Variants in MATK observed in about 807,000 individuals in gnomAD.
The protein encoded by MATK is megakaryocyte-associated tyrosine-protein kinase.
In MATK, 41 loss-of-function variants were observed where a neutral mutation model predicts 59.8. That is an observed-to-expected ratio of 0.69 (90% CI 0.53 to 0.89). MATK has a LOEUF of 0.89. Among genes scored for constraint, MATK ranks in the 40% least tolerant of loss-of-function variants. The probability of loss-of-function intolerance (pLI) is 0.00; values close to 1 mark genes in which losing one functional copy is unlikely to be tolerated. For synonymous variants in MATK, 308 were observed against 306.1 expected (o/e 1.01, Z -0.06); for missense variants, 593 against 719.6 (o/e 0.82, Z 2.01).
chr19:3,785,006 C>T (rs1479217669), intron 2 of MATK, 58 bp downstream of exon 2: 1 of 1,562,894 alleles, frequency 6.4e-7, no homozygotes, highest in Non-Finnish European at 8.8e-7. Context: ...TCCCCAGAGG[C>T]ATCCTGGATG....
rs996372509 is a variant in MATK at position 3,778,092 on chromosome 19, C to T, written c.*91G>A. ...GTGGGCACCAGGAGGATGACTTGCCCGCCTGGACCCTCCTTGGGCCTGGTC... is the reference window on the plus strand; with the variant it reads ...GTGGGCACCAGGAGGATGACTTGCCTGCCTGGACCCTCCTTGGGCCTGGTC... On this transcript the variant is annotated 3_prime_UTR_variant, in exon 14 of 14. Coordinates refer to ENST00000310132, the MANE Select transcript of MATK (RefSeq NM_139355.3). 29 of 1,479,852 alleles carry T rather than the reference C, an allele frequency of 2.0e-5. 1 individual carries two copies. In the Admixed American group the frequency reaches 2.0e-4, roughly 10 times the overall value. 91.7% of individuals were successfully genotyped at this position (1,479,852 alleles called of 1,614,324 possible). A position where few individuals can be genotyped will look rare whatever the true frequency, so the allele number is the denominator to read the frequency against.
In MATK at chr19:3,786,107, C is replaced by A. The variant is rs919981673; in HGVS notation, c.-152+62G>T. The A allele has an allele frequency of 2.6e-6, 2 of 756,542 alleles. No homozygotes were observed. Among genetic ancestry groups the A allele is most frequent in the Admixed American group, 1.3e-4 (2 of 15,972 alleles). 46.9% of individuals were successfully genotyped at this position (756,542 alleles called of 1,614,324 possible). On this transcript the variant is annotated intron_variant, in intron 1 of 13. Coordinates refer to ENST00000310132, the MANE Select transcript of MATK (RefSeq NM_139355.3). The surrounding 1 kb of genome is among the most constrained non-coding windows in gnomAD (Gnocchi z 4.1). The stretch of plus-strand genomic sequence containing the variant: ...CCCGGGCCCACCCCCGCCTAGAGCC[C>A]TCGGGGTTTCCCCCCACCCCGGCCT...
intron 6 of MATK, 94 bp downstream of exon 6, chr19:3,783,720 G>C: frequency 8.4e-7 from 1 of 1,191,442 alleles, no homozygotes; most frequent in Non-Finnish European, 1.2e-6. Context: ...ATGGAGGTCA[G>C]GTGACCCGCC....
At chr19:3,779,487 G>A in intron 10 of MATK, 36 bp from the exon 11 acceptor site, 1 of 1,611,424 alleles carries the variant, frequency 6.2e-7, no homozygotes, top group Non-Finnish European at 8.5e-7. Flanking sequence ...GGATGTTGGG[G>A]CTGCTCCGCT....
At position 3,783,236 on chromosome 19, in the gene MATK, C is replaced by G; in HGVS notation, c.583-17G>C. The G allele has an allele frequency of 6.3e-7, 1 of 1,598,332 alleles. No homozygotes were observed. Among genetic ancestry groups the G allele is most frequent in the Non-Finnish European group, 8.5e-7 (1 of 1,171,056 alleles). ...GCTGTAATGCTGCAGGATGGTGGGA[C>G]AGCCATGAGCCCAGCCCCAGGGAGG... On this transcript the variant is annotated splice_polypyrimidine_tract_variant and intron_variant, in intron 6 of 13. Transcript: ENST00000310132.
At chr19:3,781,585 C>T in intron 8 of MATK, 22 bp downstream of exon 8, 3 of 1,613,588 alleles carry the variant, frequency 1.9e-6, no homozygotes, top group South Asian at 1.1e-5. Flanking sequence ...CTTCAGCACC[C>T]CCAACCCAGT....
In MATK at chr19:3,778,186, G is replaced by C. The variant is rs199610855; in HGVS notation, c.1521C>G (p.Pro507=). ...CCAAGGGCCCCACCGGGTGGGGTCA[G>C]GGCTCCTGGCTTCGGGGCGAGGTGG... The part of the protein sequence containing the change: ...DGSTSPRSQE[P] The change falls in exon 14 of 14, where the codon CCC becomes CCG. Residue 507 remains proline (P), a synonymous_variant. Coordinates refer to ENST00000310132, the MANE Select transcript of MATK (RefSeq NM_139355.3). The C allele has an allele frequency of 9.0e-6, 14 of 1,556,700 alleles. No homozygotes were observed. The East Asian group carries it at 3.3e-4, about 36-fold the overall frequency.
intron 1 of MATK, among the ~76,000 whole-genome samples, chr19:3,800,134 T>A: frequency 7.5e-6 from 1 of 132,818 alleles, no homozygotes; most frequent in African/African-American, 2.9e-5. Flanking sequence ...AGAGCGAGAC[T>A]CCGTCTCAAA....
At chr19:3,790,035 G>A (rs1393550035), upstream of MATK, among the ~76,000 whole-genome samples, 2 of 152,184 alleles carry the variant, frequency 1.3e-5, no homozygotes, top group African/African-American at 4.8e-5. Flanking sequence ...CTGAGTAGCT[G>A]GGATTACAGG....
chr19:3,796,931 T>C (rs2037600514), intron 1 of MATK, among the ~76,000 whole-genome samples: 1 of 152,198 alleles, frequency 6.6e-6, no homozygotes, highest in African/African-American at 2.4e-5. Context: ...TCCTGTTTCC[T>C]CATACTTTGC....
At chr19:3,799,562 GGGTGT>G (rs2037624688) in intron 1 of MATK, among the ~76,000 whole-genome samples, 2 of 152,208 alleles carry the variant, frequency 1.3e-5, no homozygotes, top group Non-Finnish European at 2.9e-5. Flanking sequence ...AGTTGAGGCC[GGGTGT>G]GGTGGCTCAC....
intron 1 of MATK, 147 bp from the exon 2 acceptor site, chr19:3,785,433 C>CA (rs1481442090): frequency 5.0e-6 from 2 of 403,896 alleles, no homozygotes. Context: ...CCTCTCTGAT[C>CA]CCCCCCCAAA....
upstream of MATK, chr19:3,789,323 G>A (rs74830030): frequency 5.5e-3 from 4,289 of 777,974 alleles, 132 homozygotes; most frequent in African/African-American, 0.064. Flanking sequence ...CCTTCTCTTC[G>A]TTCAGCAGGG....
chr19:3,778,584 G>T lies in MATK; in HGVS notation c.1209C>A (p.Ser403Arg), dbSNP rs183239464. 1.7e-5 allele frequency: 28 copies of T among 1,612,786 alleles called. No homozygotes were observed. Among genetic ancestry groups the T allele is most frequent in the Non-Finnish European group, 2.4e-5 (28 of 1,179,460 alleles). The part of the protein sequence containing the change: ...PEALKHGKFT[S>R]KSDVWSFGVL... The stretch of plus-strand genomic sequence containing the variant: ...CCCCAAAACTCCAGACATCCGACTT[G>T]CTGGTGAACTTCTGTGGGGCCCGAG... The change falls in exon 13 of 14, where the codon AGC becomes AGA. Residue 403 changes from serine to arginine, a missense_variant. Transcript: ENST00000310132.
intron 1 of MATK, among the ~76,000 whole-genome samples, chr19:3,800,798 A>G (rs901878680): frequency 6.6e-6 from 1 of 152,230 alleles, no homozygotes; most frequent in African/African-American, 2.4e-5. Context: ...ATTCATGAGT[A>G]AAAACATTTA....
chr19:3,784,199 T>C lies in MATK; in HGVS notation c.287A>G (p.Gln96Arg), dbSNP rs144597920. The change falls in exon 5 of 14, where the codon CAG becomes CGG. Residue 96 changes from glutamine to arginine, a missense_variant. Coordinates refer to ENST00000310132, the MANE Select transcript of MATK (RefSeq NM_139355.3). ...CGCCCCAGCTGCCAGCAGCCCCTCC[T>C]GTCCACTGGTGTGGTGCTTGACGCG... ...WYRVKHHTSG[Q>R]EGLLAAGALR... 5.6e-6 allele frequency: 9 copies of C among 1,613,654 alleles called. No individual in the cohort carries two copies. Among genetic ancestry groups the C allele is most frequent in the Non-Finnish European group, 7.6e-6 (9 of 1,179,796 alleles).
intron 1 of MATK, among the ~76,000 whole-genome samples, chr19:3,792,660 C>A (rs983144681): frequency 7.2e-5 from 11 of 151,936 alleles, no homozygotes; most frequent in South Asian, 2.1e-4. Flanking sequence ...ATTACAGGTA[C>A]CTGCCAGCCA....
upstream of MATK, among the ~76,000 whole-genome samples, chr19:3,788,004 C>A (rs2037504532): frequency 6.6e-6 from 1 of 150,664 alleles, no homozygotes; most frequent in Admixed American, 6.6e-5. Flanking sequence ...CTCAAGCGAA[C>A]CTCCTGCCTC....
In MATK at chr19:3,778,223, T is replaced by A. The variant is rs1264342045; in HGVS notation, c.1484A>T (p.Asp495Val). The change falls in exon 14 of 14, where the codon GAC (aspartate) becomes GTC (valine). Residue 495 changes from aspartate to valine, a missense_variant. By Grantham distance (152) the Asp-to-Val change is radical. Transcript: ENST00000310132. ...AGAPASVSGQ[D>V]ADGSTSPRSQ... is the part of the protein sequence containing the mutation. ...TCGGGGCGAGGTGGAGCCGTCGGCG[T>A]CCTGCCCTGAGACGGAGGCTGGGGC... The A allele has an allele frequency of 5.1e-6, 8 of 1,573,818 alleles. No individual in the cohort carries two copies. Among genetic ancestry groups the A allele is most frequent in the Middle Eastern group, 1.7e-4 (1 of 5,900 alleles).
Sources: gnomAD v4.1 joint callset for allele counts (sites outside exome capture counted in the v4.1 genomes callset) on GRCh38, gnomAD v4.1.1 for gene constraint, Gnocchi (gnomAD v3.1) non-coding constraint, MANE v1.5 for transcripts, NCBI Gene and HGNC (gene_info 2026-07-23, HGNC 2026-07-21) for gene names.